ZFHX3: variants seen among roughly 807,000 people sequenced by gnomAD.
ZFHX3 encodes zinc finger homeobox 3, also known as zinc finger homeobox protein 3.
In ZFHX3, 42 loss-of-function variants were observed where a neutral mutation model predicts 279.1. That is an observed-to-expected ratio of 0.15 (90% CI 0.12 to 0.19). The LOEUF is 0.19. Among genes scored for constraint, ZFHX3 ranks in the 10% least tolerant of loss-of-function variants. The pLI is 1.00. For synonymous variants in ZFHX3, 2,293 were observed against 1,957.8 expected, an observed-to-expected ratio of 1.17 and a Z score of -4.52; for missense variants, 4,981 against 4,754.0, an observed-to-expected ratio of 1.05 and a Z score of -1.40.
At chr16:73,297,954 G>T (rs565313345) in intron 4 of ZFHX3, among the ~76,000 whole-genome samples, 28 of 151,924 alleles carry the variant, frequency 1.8e-4, no homozygotes, top group African/African-American at 6.3e-4. Flanking sequence ...GGAGGCTGAG[G>T]GGGGAAGGTC....
chr16:73,070,710 G>GTCTCTC (rs3081669), intron 8 of ZFHX3, among the ~76,000 whole-genome samples: 12 of 148,088 alleles, frequency 8.1e-5, no homozygotes, highest in Admixed American at 2.7e-4. Context: ...TGACATCATT[G>GTCTCTC]TCTCTCTCTC....
At chr16:72,852,276 T>C (rs918022839) in intron 4 of ZFHX3, among the ~76,000 whole-genome samples, 7 of 152,242 alleles carry the variant, frequency 4.6e-5, no homozygotes, top group African/African-American at 1.7e-4. Context: ...TGAAACATTG[T>C]TTATATACTA....
At chr16:73,416,782 G>A (rs1004252765) in intron 3 of ZFHX3, among the ~76,000 whole-genome samples, 3 of 147,066 alleles carry the variant, frequency 2.0e-5, no homozygotes, top group African/African-American at 7.3e-5. Flanking sequence ...GCTGAAGCAG[G>A]AGAATGGCGT....
chr16:73,651,665 T>A (rs2052672149), intron 2 of ZFHX3, among the ~76,000 whole-genome samples: 1 of 103,906 alleles, frequency 9.6e-6, no homozygotes, highest in Non-Finnish European at 1.8e-5. Flanking sequence ...TGAAACCCCA[T>A]CTCTACTAAA....
At chr16:72,791,406 C>A (rs1353959923) in intron 9 of ZFHX3, 2 of 152,154 alleles carry the variant, frequency 1.3e-5, no homozygotes, top group Non-Finnish European at 2.9e-5. Flanking sequence ...TATCTCGAGT[C>A]CACTCTAAGT....
At chr16:73,333,534 G>T (rs1256737366) in intron 3 of ZFHX3, among the ~76,000 whole-genome samples, 1 of 152,176 alleles carries the variant, frequency 6.6e-6, no homozygotes, top group African/African-American at 2.4e-5. Context: ...CAGGCTAGTG[G>T]TGTCTTGATT....
At chr16:73,838,992 A>G (rs1025318561) in intron 1 of ZFHX3, among the ~76,000 whole-genome samples, 1 of 152,168 alleles carries the variant, frequency 6.6e-6, no homozygotes, top group Non-Finnish European at 1.5e-5. Context: ...GAGACAGCTA[A>G]GGAGGAAAGC....
intron 5 of ZFHX3, among the ~76,000 whole-genome samples, chr16:73,153,995 C>T (rs769881886): frequency 7.9e-5 from 12 of 152,134 alleles, no homozygotes; most frequent in Non-Finnish European, 1.6e-4. Flanking sequence ...TGAGCCACGG[C>T]GCCTGGCCTC....
rs1167050316 is a variant in ZFHX3 at position 73,203,627 on chromosome 16, ACT to A, written c.-1104+53418_-1104+53419del. Among the ~76,000 whole-genome samples, 6 of 152,022 alleles carry A rather than the reference ACT, an allele frequency of 3.9e-5. No homozygotes were observed. The East Asian group carries it at 9.6e-4, about 24-fold the overall frequency. Reference sequence around the variant, plus strand: ...AAACAAATTCTGAGCTGGACAGGAGACTCTTCCTAGCTTTGGATATTTAAAAA... The same window carrying A: ...AAACAAATTCTGAGCTGGACAGGAGACTTCCTAGCTTTGGATATTTAAAAA... On this transcript the variant is annotated intron_variant, in intron 5 of 17. Transcript: ENST00000641206.
intron 8 of ZFHX3, among the ~76,000 whole-genome samples, chr16:73,088,548 G>A (rs75781312): frequency 0.022 from 3,351 of 152,190 alleles, 120 homozygotes; most frequent in African/African-American, 0.075. Flanking sequence ...TCTGCATGTC[G>A]ATTCTAGGTA....
chr16:73,741,679 A>C (rs1264784456), intron 1 of ZFHX3, among the ~76,000 whole-genome samples: 1 of 152,158 alleles, frequency 6.6e-6, no homozygotes, highest in African/African-American at 2.4e-5. Context: ...TCATTTCCAG[A>C]CTACCCACAT....
chr16:73,049,188 G>T (rs946678800), upstream of ZFHX3, among the ~76,000 whole-genome samples: 2 of 152,268 alleles, frequency 1.3e-5, no homozygotes, highest in African/African-American at 4.8e-5. Flanking sequence ...CTCACCGGAA[G>T]TCCTCTGTCC....
chr16:72,811,792 C>G lies in ZFHX3; in HGVS notation c.3664-15G>C. ...CACTGGTACATCTGTGGGGAACACA[C>G]CCACTGCTTTGAGCAACTGTGTGTG... On this transcript the variant is annotated splice_polypyrimidine_tract_variant and intron_variant, in intron 6 of 9. Coordinates refer to ENST00000268489, the MANE Select transcript of ZFHX3 (RefSeq NM_006885.4). 2 of 1,609,848 alleles carry G rather than the reference C, an allele frequency of 1.2e-6. No homozygotes were observed. Among genetic ancestry groups the G allele is most frequent in the Non-Finnish European group, 1.7e-6 (2 of 1,177,142 alleles).
intron 3 of ZFHX3, among the ~76,000 whole-genome samples, chr16:73,350,815 G>T (rs548267107): frequency 6.6e-6 from 1 of 152,350 alleles, no homozygotes; most frequent in Admixed American, 6.5e-5. Flanking sequence ...GCCAAAGACG[G>T]TCTCTTGGGA....
At chr16:73,668,720 G>GA (rs899178359) in intron 2 of ZFHX3, among the ~76,000 whole-genome samples, 2 of 147,790 alleles carry the variant, frequency 1.4e-5, no homozygotes, top group East Asian at 2.0e-4. Flanking sequence ...AAATTTACAA[G>GA]AAAAAAACAA....
At chr16:73,373,689 T>G (rs1040478885) in intron 3 of ZFHX3, among the ~76,000 whole-genome samples, 10 of 152,210 alleles carry the variant, frequency 6.6e-5, no homozygotes, top group African/African-American at 2.4e-4. Context: ...TGATAAAAAT[T>G]ATCCTTCTGT....
At chr16:73,860,677 C>A (rs1037345113) in intron 1 of ZFHX3, among the ~76,000 whole-genome samples, 1 of 152,204 alleles carries the variant, frequency 6.6e-6, no homozygotes, top group Non-Finnish European at 1.5e-5. Context: ...CACCTTCCTT[C>A]GGCCTGTTTT....
At chr16:73,471,415 C>CA (rs2018664101) in intron 2 of ZFHX3, among the ~76,000 whole-genome samples, 1 of 145,736 alleles carries the variant, frequency 6.9e-6, no homozygotes, top group African/African-American at 2.5e-5. Context: ...CTTTTTCTTT[C>CA]TTTTTTTTTT....
At chr16:72,905,292 C>T (rs115478172) in intron 3 of ZFHX3, among the ~76,000 whole-genome samples, 10,179 of 152,210 alleles carry the variant, frequency 0.067, 375 homozygotes, top group South Asian at 0.15. Context: ...GATAATTACA[C>T]TAAATGGCTT....
Sources: gnomAD v4.1 joint callset for allele counts (sites outside exome capture counted in the v4.1 genomes callset) on GRCh38, gnomAD v4.1.1 for gene constraint, MANE v1.5 for transcripts, NCBI Gene and HGNC (gene_info 2026-07-23, HGNC 2026-07-21) for gene names.